DDO: variants seen among roughly 807,000 people sequenced by gnomAD.
DDO encodes the protein D-aspartate oxidase, also known as D-aspartate oxidase, DDO.
Under a neutral mutation model 16.8 loss-of-function variants are expected in DDO, and 16 were observed. The ratio of observed to expected loss-of-function variants is 0.95; its 90% CI spans 0.65 to 1.45. DDO has a LOEUF of 1.45. Ranked by LOEUF, DDO falls within the 40% of genes most tolerant of loss-of-function variation. The pLI, the probability that DDO is intolerant of heterozygous loss-of-function variation, is 0.00. For missense variants in DDO, 429 were observed against 420.3 expected (o/e 1.02, Z -0.18); for synonymous variants, 180 against 167.2 (o/e 1.08, Z -0.59).
At chr6:110,397,285 G>T (rs189229972) in intron 4 of DDO, among the ~76,000 whole-genome samples, 1 of 152,250 alleles carries the variant, frequency 6.6e-6, no homozygotes, top group East Asian at 1.9e-4. Flanking sequence ...TTATCTATGT[G>T]TATTCTTATC....
Position 110,400,548 on chromosome 6 carries a change from C to T in DDO, c.458+4226G>A, listed in dbSNP as rs961117548. ...GTGACACCTCTTCAGGTGCCCTGGG[C>T]CTTCATGCCCCCTCCCTGCCCCATC... On this transcript the variant is annotated intron_variant, in intron 4 of 4. Coordinates refer to ENST00000368924, the MANE Select transcript of DDO (RefSeq NM_001372108.2). 3.9e-5 allele frequency among the ~76,000 whole-genome samples: 6 copies of T among 152,198 alleles called. No individual in the cohort carries two copies. In the East Asian group the frequency reaches 7.7e-4, roughly 20 times the overall value.
At chr6:110,395,749 A>G (rs1321436268) in intron 4 of DDO, among the ~76,000 whole-genome samples, 1 of 152,200 alleles carries the variant, frequency 6.6e-6, no homozygotes, top group African/African-American at 2.4e-5. Flanking sequence ...AACTAATTTT[A>G]ACTTAGCAAG....
chr6:110,403,002 T>C (rs985547405), intron 4 of DDO, among the ~76,000 whole-genome samples: 6 of 152,292 alleles, frequency 3.9e-5, no homozygotes, highest in African/African-American at 1.4e-4. Context: ...CACAATGGAC[T>C]TGGTGGCAAT....
intron 4 of DDO, among the ~76,000 whole-genome samples, chr6:110,393,585 A>G (rs924817482): frequency 6.6e-6 from 1 of 152,236 alleles, no homozygotes; most frequent in Non-Finnish European, 1.5e-5. Flanking sequence ...AAAGGAAATT[A>G]TATGCTTTGC....
intron 4 of DDO, among the ~76,000 whole-genome samples, chr6:110,395,481 G>A (rs978383767): frequency 2.0e-5 from 3 of 151,990 alleles, no homozygotes; most frequent in Non-Finnish European, 4.4e-5. Context: ...GAGAGATACA[G>A]GGTGGCAGAA....
chr6:110,402,140 C>G (rs980881107), intron 4 of DDO, among the ~76,000 whole-genome samples: 2 of 152,152 alleles, frequency 1.3e-5, no homozygotes, highest in Admixed American at 6.5e-5. Flanking sequence ...AGACTGGAGA[C>G]TAAAGAGACA....
intron 2 of DDO, among the ~76,000 whole-genome samples, chr6:110,412,843 A>C (rs904872795): frequency 6.6e-6 from 1 of 152,214 alleles, no homozygotes; most frequent in Non-Finnish European, 1.5e-5. Context: ...GAGATGAACC[A>C]ACAGGATGTT....
intron 2 of DDO, among the ~76,000 whole-genome samples, chr6:110,411,528 A>T (rs1244145704): frequency 2.6e-5 from 4 of 152,304 alleles, no homozygotes; most frequent in South Asian, 2.1e-4. Flanking sequence ...AACAAATGAA[A>T]ATTCGGAGAA....
intron 4 of DDO, among the ~76,000 whole-genome samples, chr6:110,402,462 C>T (rs1316618166): frequency 2.6e-5 from 4 of 152,008 alleles, no homozygotes; most frequent in East Asian, 3.9e-4. Flanking sequence ...GTCAGGAGTT[C>T]GAGACCAGCC....
At chr6:110,398,155 C>T (rs1181981227) in intron 4 of DDO, among the ~76,000 whole-genome samples, 3 of 152,078 alleles carry the variant, frequency 2.0e-5, no homozygotes, top group East Asian at 1.9e-4. Flanking sequence ...GCAGGGCTCA[C>T]GAAATAGCCC....
chr6:110,410,019 T>G (rs77301092), intron 2 of DDO, among the ~76,000 whole-genome samples: 5 of 152,300 alleles, frequency 3.3e-5, no homozygotes, highest in Non-Finnish European at 5.9e-5. Context: ...TGCCAGGTAC[T>G]GTTCTAAATG....
chr6:110,403,588 A>G (rs975954377), intron 4 of DDO, among the ~76,000 whole-genome samples: 1 of 152,240 alleles, frequency 6.6e-6, no homozygotes, highest in African/African-American at 2.4e-5. Context: ...TAGAACTTAC[A>G]GAAGCAAAAT....
downstream of DDO, among the ~76,000 whole-genome samples, chr6:110,391,373 G>A (rs1471850622): frequency 1.6e-5 from 2 of 126,384 alleles, no homozygotes; most frequent in South Asian, 2.4e-4. Flanking sequence ...TTTTTGAGAC[G>A]GAGTCTTGCT....
chr6:110,392,628 C>T lies in DDO; in HGVS notation c.*147G>A. On this transcript the variant is annotated 3_prime_UTR_variant, in exon 5 of 5. Coordinates refer to ENST00000368924, the MANE Select transcript of DDO (RefSeq NM_001372108.2). ...AGTAGCTGGGACTATAGGCATGCCACCGTGCTCAGCTTACATGTTACACCA... is the reference window on the plus strand; with the variant it reads ...AGTAGCTGGGACTATAGGCATGCCATCGTGCTCAGCTTACATGTTACACCA... 7.5e-7 allele frequency: 1 copy of T among 1,327,164 alleles called. No individual in the cohort carries two copies. The highest frequency in any genetic ancestry group is 2.8e-5 in the East Asian group (1 of 35,778). 82.2% of individuals were successfully genotyped at this position (1,327,164 alleles called of 1,614,324 possible). A position where few individuals can be genotyped will look rare whatever the true frequency, so the allele number is the denominator to read the frequency against.
intron 4 of DDO, among the ~76,000 whole-genome samples, chr6:110,403,313 C>A (rs553032743): frequency 1.3e-5 from 2 of 152,056 alleles, no homozygotes; most frequent in South Asian, 4.2e-4. Flanking sequence ...TATGATGCCT[C>A]AATTCCTTAT....
chr6:110,411,328 C>G (rs1352755827), intron 2 of DDO, among the ~76,000 whole-genome samples: 19 of 152,062 alleles, frequency 1.2e-4, no homozygotes, highest in Admixed American at 1.2e-3. Context: ...GTAAAGAATA[C>G]CACACGGCCA....
At chr6:110,391,436 G>A (rs57727889), downstream of DDO, among the ~76,000 whole-genome samples, 2,606 of 142,726 alleles carry the variant, frequency 0.018, 76 homozygotes, top group African/African-American at 0.067. Flanking sequence ...TGCAACCTCC[G>A]TCTCCCGGGT....
downstream of DDO, among the ~76,000 whole-genome samples, chr6:110,390,936 G>A (rs879622034): frequency 2.6e-5 from 4 of 152,128 alleles, no homozygotes; most frequent in Non-Finnish European, 5.9e-5. Context: ...AAAGAAGCAC[G>A]CACACTCTAT....
At chr6:110,409,649 G>T (rs1773782691) in intron 2 of DDO, among the ~76,000 whole-genome samples, 1 of 152,192 alleles carries the variant, frequency 6.6e-6, no homozygotes, top group Admixed American at 6.5e-5. Flanking sequence ...ATGTGCCCAT[G>T]TGAAATTAAC....
Sources: allele counts gnomAD v4.1 joint callset (sites outside exome capture counted in the v4.1 genomes callset), GRCh38; gene constraint gnomAD v4.1.1; transcripts MANE v1.5; gene names NCBI Gene and HGNC (gene_info 2026-07-23, HGNC 2026-07-21).